CLIC5: variants seen among roughly 807,000 people sequenced by gnomAD.
CLIC5 encodes the protein chloride intracellular channel protein 5.
Under a neutral mutation model 24.7 loss-of-function variants are expected in CLIC5, and 20 were observed. That is an observed-to-expected ratio of 0.81 (90% CI 0.57 to 1.18). The LOEUF is 1.18. Among genes scored for constraint, CLIC5 ranks in the 50% most tolerant of loss-of-function variants. The pLI, the probability that CLIC5 is intolerant of heterozygous loss-of-function variation, is 0.00. For synonymous variants in CLIC5, 159 were observed against 135.6 expected, an observed-to-expected ratio of 1.17 and a Z score of -1.20; for missense variants, 341 against 326.1, an observed-to-expected ratio of 1.05 and a Z score of -0.35.
At chr6:45,955,320 T>C in intron 1 of CLIC5, 76 bp from the exon 2 acceptor site, 1 of 1,054,438 alleles carries the variant, frequency 9.5e-7, no homozygotes, top group Non-Finnish European at 1.4e-6. Flanking sequence ...AACACCCAAA[T>C]GCAGGTCTGA....
At chr6:46,125,367 A>G in the CLIC5 span, among the ~76,000 whole-genome samples, 1 of 152,134 alleles carries the variant, frequency 6.6e-6, no homozygotes, top group African/African-American at 2.4e-5. Flanking sequence ...ATAGGTGGGA[A>G]TTGAACAATG....
In CLIC5 at chr6:45,928,928, A is replaced by G. The variant is rs149893281; in HGVS notation, c.406+12619T>C. Reference sequence around the variant, plus strand: ...CATTTAACTCATGTGCAAATCAGTTATTTAACGTTCCTTTATTCCCCAGGT... The same window carrying G: ...CATTTAACTCATGTGCAAATCAGTTGTTTAACGTTCCTTTATTCCCCAGGT... On this transcript the variant is annotated intron_variant, in intron 4 of 5. Coordinates refer to ENST00000339561, the MANE Select transcript of CLIC5 (RefSeq NM_016929.5). Among the ~76,000 whole-genome samples the G allele has an allele frequency of 3.5e-3, 532 of 152,326 alleles. 3 individuals carry two copies. The highest frequency in any genetic ancestry group is 0.012 in the African/African-American group (505 of 41,564).
intron 1 of CLIC5, among the ~76,000 whole-genome samples, chr6:45,996,701 A>G (rs1766154574): frequency 6.6e-6 from 1 of 152,192 alleles, no homozygotes; most frequent in African/African-American, 2.4e-5. Flanking sequence ...AAGGATATGA[A>G]CAGACACTTC....
intron 1 of CLIC5, among the ~76,000 whole-genome samples, chr6:46,066,911 A>T (rs1026315205): frequency 6.6e-5 from 10 of 152,146 alleles, no homozygotes; most frequent in Non-Finnish European, 1.0e-4. Context: ...GCAGAACAGC[A>T]TCCTATTTGT....
chr6:45,898,450 C>A (rs2127288089), downstream of CLIC5: 1 of 152,600 alleles, frequency 6.6e-6, no homozygotes, highest in Admixed American at 6.5e-5. Context: ...TAGATGACCA[C>A]TTTTGTAATA....
intron 1 of CLIC5, among the ~76,000 whole-genome samples, chr6:45,986,854 G>A (rs962074978): frequency 1.1e-4 from 16 of 152,192 alleles, no homozygotes; most frequent in Admixed American, 5.9e-4. Flanking sequence ...TTATAAAGAG[G>A]CAGTAAATGT....
At chr6:45,953,365 G>C (rs1764532745) in intron 2 of CLIC5, among the ~76,000 whole-genome samples, 1 of 152,184 alleles carries the variant, frequency 6.6e-6, no homozygotes, top group Non-Finnish European at 1.5e-5. Flanking sequence ...TCTGGAGGGA[G>C]GTTGGGTTGA....
intron 1 of CLIC5, among the ~76,000 whole-genome samples, chr6:46,076,997 C>T (rs1234090791): frequency 1.3e-5 from 2 of 151,884 alleles, no homozygotes; most frequent in Admixed American, 6.6e-5. Flanking sequence ...ATTACCTGGG[C>T]ATGGTGGCGC....
At chr6:45,884,885 G>A (rs936097299) in intron 6 of CLIC5, among the ~76,000 whole-genome samples, 18 of 151,632 alleles carry the variant, frequency 1.2e-4, no homozygotes, top group Non-Finnish European at 1.9e-4. Flanking sequence ...TCATCTGTCC[G>A]GAGGTTAATA....
intron 6 of CLIC5, among the ~76,000 whole-genome samples, chr6:45,884,541 C>T (rs928158281): frequency 1.3e-5 from 2 of 152,242 alleles, no homozygotes; most frequent in African/African-American, 4.8e-5. Flanking sequence ...TTGGCTGGAA[C>T]TGGGTCACAT....
chr6:46,093,317 C>G, the CLIC5 span, among the ~76,000 whole-genome samples: 1 of 152,176 alleles, frequency 6.6e-6, no homozygotes, highest in Non-Finnish European at 1.5e-5. Flanking sequence ...CAATACAGAA[C>G]TTCTTACTTT....
At chr6:46,122,249 T>A in the CLIC5 span, among the ~76,000 whole-genome samples, 1 of 152,184 alleles carries the variant, frequency 6.6e-6, no homozygotes, top group Non-Finnish European at 1.5e-5. Flanking sequence ...CACAGTGTAA[T>A]CAAACTAGAA....
At chr6:45,928,076 G>A (rs1411697780) in intron 4 of CLIC5, among the ~76,000 whole-genome samples, 1 of 152,192 alleles carries the variant, frequency 6.6e-6, no homozygotes, top group Non-Finnish European at 1.5e-5. Flanking sequence ...TTGAGATGGG[G>A]TGGAGTGCCT....
At position 46,062,954 on chromosome 6, in the gene CLIC5, A is replaced by G. The variant is rs549606539; in HGVS notation, c.540+16749T>C. Among the ~76,000 whole-genome samples the G allele has an allele frequency of 2.6e-5, 4 of 152,352 alleles. No homozygotes were observed. In the East Asian group the frequency reaches 7.7e-4, roughly 29 times the overall value. On this transcript the variant is annotated intron_variant, in intron 1 of 5. Transcript: ENST00000185206. Reference sequence around the variant, plus strand: ...GTGTCAGTGAATGACTGGCTGAGGCATCTGTTTCCCTGTTTTCTCATTGCT... The same window carrying G: ...GTGTCAGTGAATGACTGGCTGAGGCGTCTGTTTCCCTGTTTTCTCATTGCT...
At chr6:45,969,533 T>C (rs1020720410) in intron 1 of CLIC5, among the ~76,000 whole-genome samples, 1 of 136,424 alleles carries the variant, frequency 7.3e-6, no homozygotes, top group Non-Finnish European at 1.5e-5. Context: ...CAAGGCCACA[T>C]AGACGATCGG....
upstream of CLIC5, among the ~76,000 whole-genome samples, chr6:46,081,211 G>C (rs1197082674): frequency 6.6e-6 from 1 of 152,196 alleles, no homozygotes; most frequent in Non-Finnish European, 1.5e-5. Context: ...GCCATCCACA[G>C]ATGCTGTGAA....
At chr6:46,120,245 A>G in the CLIC5 span, among the ~76,000 whole-genome samples, 67 of 152,344 alleles carry the variant, frequency 4.4e-4, 1 homozygote, top group Admixed American at 3.8e-3. Context: ...CGCCAGAGGA[A>G]CGATCAGACA....
intron 4 of CLIC5, among the ~76,000 whole-genome samples, chr6:45,939,775 G>A (rs928870513): frequency 6.6e-6 from 1 of 151,476 alleles, no homozygotes; most frequent in Admixed American, 6.6e-5. Context: ...TGAATAGCTG[G>A]GACTACAGGC....
rs766899135 is a variant in CLIC5, at chr6:45,903,130, C to T, written c.714G>A (p.Glu238=). The T allele has an allele frequency of 1.9e-6, 3 of 1,614,220 alleles. No homozygotes were observed. The South Asian group carries it at 3.3e-5, about 18-fold the overall frequency. Residue 238 remains glutamate (E), a synonymous_variant, in exon 6 of 6, where the codon GAG becomes GAA. Transcript: ENST00000339561. ...GTTTGGCGACATCAGCGTAGGCCAA[C>T]TCGATCTCACTGTCAGCTGCACAGG... The part of the protein sequence containing the change: ...TNTCAADSEI[E]LAYADVAKRL...
Sources: gnomAD v4.1 joint callset for allele counts (sites outside exome capture counted in the v4.1 genomes callset) on GRCh38, gnomAD v4.1.1 for gene constraint, MANE v1.5 for transcripts, NCBI Gene and HGNC (gene_info 2026-07-23, HGNC 2026-07-21) for gene names.